CHD2: variants seen among roughly 807,000 people sequenced by gnomAD.
CHD2 encodes the protein ATP-dependent chromatin remodeler CHD2.
In CHD2, 28 loss-of-function variants were observed where a neutral mutation model predicts 243.9. The ratio of observed to expected loss-of-function variants is 0.11; its 90% CI spans 0.09 to 0.16. The LOEUF is 0.16. Ranked by LOEUF, CHD2 falls within the 10% of genes least tolerant of loss-of-function variation. CHD2 has a pLI of 1.00. For missense variants in CHD2, 1,386 were observed against 2,209.8 expected, an observed-to-expected ratio of 0.63 and a Z score of 7.47; for synonymous variants, 775 against 779.0, an observed-to-expected ratio of 0.99 and a Z score of 0.09.
chr15:92,912,397 C>T (rs2052753815), intron 2 of CHD2, among the ~76,000 whole-genome samples: 1 of 152,188 alleles, frequency 6.6e-6, no homozygotes, highest in Non-Finnish European at 1.5e-5. Context: ...CGCTCTGTCG[C>T]CTGGGCTGGA....
rs1037931097 is a variant in CHD2 at position 92,998,196 on chromosome 15, GA to G, written c.3886-302del. The G allele has an allele frequency of 9.4e-7, 1 of 1,062,368 alleles. No individual in the cohort carries two copies. Among genetic ancestry groups the G allele is most frequent in the African/African-American group, 1.7e-5 (1 of 60,098 alleles). The allele number at this position is 1,062,368 out of a possible 1,614,324, so 65.8% of individuals were successfully genotyped here. A position where few individuals can be genotyped will look rare whatever the true frequency, so the allele number is the denominator to read the frequency against. ...GAAGGAGGAAATCCACGACGGCTGG[GA>G]TGCTCTAGCAGATGAAGCCACAAGC... is the stretch of plus-strand genomic sequence containing the variant. On this transcript the variant is annotated intron_variant, in intron 30 of 38. Coordinates refer to ENST00000394196, the MANE Select transcript of CHD2 (RefSeq NM_001271.4). The surrounding 1 kb of genome is among the most constrained non-coding windows in gnomAD (Gnocchi z 5.1).
In CHD2 at chr15:93,025,110, T is replaced by C. The variant is rs1031950690; in HGVS notation, c.*405T>C. The C allele has an allele frequency of 5.5e-6, 1 of 182,838 alleles. No homozygotes were observed. The highest frequency in any genetic ancestry group is 2.4e-5 in the African/African-American group (1 of 41,922). The allele number at this position is 182,838 out of a possible 1,614,324, so 11.3% of individuals were successfully genotyped here. ...CATGGTCGGGGCAGGAACTGGTGCATGGAGGCTGCTGGGACCTGGTGAACA... is the reference window on the plus strand; with the variant it reads ...CATGGTCGGGGCAGGAACTGGTGCACGGAGGCTGCTGGGACCTGGTGAACA... On this transcript the variant is annotated 3_prime_UTR_variant, in exon 39 of 39. Transcript: ENST00000394196.
At chr15:92,904,302 C>G (rs1016718224) in intron 2 of CHD2, 1 of 273,654 alleles carries the variant, frequency 3.7e-6, no homozygotes, top group African/African-American at 2.3e-5. Flanking sequence ...CGGCCGGCGC[C>G]GGCGCGGGGT....
intron 38 of CHD2, chr15:93,020,771 A>G (rs1235912121): frequency 1.2e-5 from 2 of 163,322 alleles, no homozygotes; most frequent in Non-Finnish European, 2.7e-5. Context: ...TGTATTTCCT[A>G]ATTTCAAATC....
At chr15:92,951,143 A>T (rs977247759) in intron 13 of CHD2, among the ~76,000 whole-genome samples, 1 of 152,150 alleles carries the variant, frequency 6.6e-6, no homozygotes, top group Non-Finnish European at 1.5e-5. Flanking sequence ...TTTTGTGTAC[A>T]GTCCTTGGCC....
chr15:93,005,815 A>G (rs532147370), intron 34 of CHD2, among the ~76,000 whole-genome samples: 24 of 152,292 alleles, frequency 1.6e-4, no homozygotes, highest in African/African-American at 5.8e-4. Context: ...AAATGAATAA[A>G]CTAATTACAT....
At chr15:92,980,685 A>G in intron 22 of CHD2, 130 bp from the exon 23 acceptor site, 1 of 644,158 alleles carries the variant, frequency 1.6e-6, no homozygotes, top group African/African-American at 1.9e-5. Context: ...TGTTTGAGAA[A>G]TCATTTTTCT....
Position 92,979,121 on chromosome 15 carries a change from T to A in CHD2, c.2728-14T>A. Reference sequence around the variant, plus strand: ...GTGGTTCAGGCATAAGCATAACAGTTCCTTTTCCTACAGGTAAATATTTAC... The same window carrying A: ...GTGGTTCAGGCATAAGCATAACAGTACCTTTTCCTACAGGTAAATATTTAC... On this transcript the variant is annotated splice_polypyrimidine_tract_variant and intron_variant, in intron 21 of 38. Transcript: ENST00000394196. The A allele has an allele frequency of 6.2e-7, 1 of 1,613,520 alleles. No individual in the cohort carries two copies. Among genetic ancestry groups the A allele is most frequent in the Non-Finnish European group, 8.5e-7 (1 of 1,179,682 alleles).
intron 26 of CHD2, among the ~76,000 whole-genome samples, chr15:92,987,142 CTTA>C (rs1273082342): frequency 6.6e-6 from 1 of 152,066 alleles, no homozygotes; most frequent in African/African-American, 2.4e-5. Context: ...TTTTTGGACT[CTTA>C]TTAATTGTAT....
At chr15:92,961,442 C>A (rs1006293397) in intron 16 of CHD2, among the ~76,000 whole-genome samples, 2 of 152,064 alleles carry the variant, frequency 1.3e-5, no homozygotes, top group African/African-American at 4.8e-5. Flanking sequence ...TCTCTGTCAC[C>A]CACGCTGAGT....
chr15:93,020,308 T>C, intron 38 of CHD2, 50 bp downstream of exon 38: 1 of 1,611,132 alleles, frequency 6.2e-7, no homozygotes, highest in South Asian at 1.1e-5. Flanking sequence ...CCAGGAGCTG[T>C]TTCTAGGGAG....
chr15:92,942,680 G>C (rs542978393), intron 8 of CHD2, among the ~76,000 whole-genome samples, 163 bp from the exon 9 acceptor site: 1 of 152,090 alleles, frequency 6.6e-6, no homozygotes, highest in South Asian at 2.1e-4. Flanking sequence ...TGAAATTTTT[G>C]ATTGAGTCCG....
intron 2 of CHD2, among the ~76,000 whole-genome samples, chr15:92,907,828 ATATC>A (rs2141710021): frequency 6.6e-6 from 1 of 152,066 alleles, no homozygotes; most frequent in Admixed American, 6.5e-5. Context: ...CCCCTCCTTC[ATATC>A]CTAAGTTCTT....
intron 34 of CHD2, among the ~76,000 whole-genome samples, chr15:93,007,708 A>G (rs904557495): frequency 7.9e-6 from 1 of 127,332 alleles, no homozygotes; most frequent in African/African-American, 2.7e-5. Context: ...AATTTTCTCT[A>G]AGTTCCCAGT....
intron 37 of CHD2, 132 bp from the exon 38 acceptor site, chr15:93,019,880 C>G: frequency 9.2e-7 from 1 of 1,081,906 alleles, no homozygotes; most frequent in Non-Finnish European, 1.3e-6. Flanking sequence ...TTGCAGTGAT[C>G]TAAGATCGTG....
chr15:92,915,227 C>T (rs575718054), intron 2 of CHD2, among the ~76,000 whole-genome samples: 2 of 152,256 alleles, frequency 1.3e-5, no homozygotes, highest in South Asian at 2.1e-4. Flanking sequence ...TAGAAACAGA[C>T]CTCTTTTGTC....
At chr15:93,011,275 A>C (rs773572777) in intron 35 of CHD2, among the ~76,000 whole-genome samples, 3 of 152,202 alleles carry the variant, frequency 2.0e-5, no homozygotes, top group Non-Finnish European at 2.9e-5. Context: ...CAGCAAATGC[A>C]AGCCCAGATA....
intron 13 of CHD2, chr15:92,949,341 C>A: frequency 2.6e-6 from 2 of 757,536 alleles, no homozygotes; most frequent in Non-Finnish European, 3.6e-6. Flanking sequence ...AAACCTGTAT[C>A]ATCATATGTT....
intron 4 of CHD2, among the ~76,000 whole-genome samples, chr15:92,928,706 TGTG>T (rs2053111200): frequency 6.6e-6 from 1 of 152,246 alleles, no homozygotes; most frequent in Non-Finnish European, 1.5e-5. Context: ...GGTAGTCACA[TGTG>T]GCTGATGGGT....
Sources: allele counts gnomAD v4.1 joint callset (sites outside exome capture counted in the v4.1 genomes callset), GRCh38; gene constraint gnomAD v4.1.1; non-coding constraint Gnocchi (gnomAD v3.1); transcripts MANE v1.5; gene names NCBI Gene and HGNC (gene_info 2026-07-23, HGNC 2026-07-21).